OSBPL1A: variants seen among roughly 807,000 people sequenced by gnomAD.
The protein encoded by OSBPL1A is oxysterol binding protein like 1A, also known as oxysterol-binding protein-related protein 1.
OSBPL1A carries 80 observed loss-of-function variants against 137.1 expected under a neutral mutation model. That is an observed-to-expected ratio of 0.58 (90% confidence interval 0.49 to 0.70). OSBPL1A has a LOEUF of 0.70. Ranked by LOEUF, OSBPL1A falls within the 30% of genes least tolerant of loss-of-function variation. The pLI, the probability that OSBPL1A is intolerant of heterozygous loss-of-function variation, is 0.00. For synonymous variants in OSBPL1A, 365 were observed against 389.7 expected (o/e 0.94, Z 0.75); for missense variants, 970 against 1,129.4 (o/e 0.86, Z 2.02).
chr18:24,198,060 T>A (rs2087091397), intron 17 of OSBPL1A, among the ~76,000 whole-genome samples: 1 of 152,108 alleles, frequency 6.6e-6, no homozygotes, highest in South Asian at 2.1e-4. Context: ...AGTGCTGGGA[T>A]TACAGGCGTG....
chr18:24,180,666 A>G (rs1266345607), intron 19 of OSBPL1A, among the ~76,000 whole-genome samples: 2 of 152,200 alleles, frequency 1.3e-5, no homozygotes, highest in African/African-American at 4.8e-5. Flanking sequence ...CGAGGTCAGG[A>G]GATCGAGACC....
intron 4 of OSBPL1A, among the ~76,000 whole-genome samples, chr18:24,352,184 T>C (rs2091451627): frequency 1.3e-5 from 2 of 152,070 alleles, no homozygotes; most frequent in African/African-American, 2.4e-5. Context: ...CATGAGCCTG[T>C]AGTCCTAGCT....
intron 15 of OSBPL1A, among the ~76,000 whole-genome samples, chr18:24,263,769 G>A (rs745329488): frequency 6.6e-6 from 1 of 152,066 alleles, no homozygotes; most frequent in Non-Finnish European, 1.5e-5. Flanking sequence ...CCGAGTAGCT[G>A]GGATTACAGG....
At chr18:24,301,946 T>C (rs557861974) in intron 14 of OSBPL1A, among the ~76,000 whole-genome samples, 1 of 152,292 alleles carries the variant, frequency 6.6e-6, no homozygotes, top group East Asian at 1.9e-4. Context: ...TAGTTAATCA[T>C]GGCCGGGCGT....
chr18:24,328,547 G>C (rs568434905), intron 7 of OSBPL1A, among the ~76,000 whole-genome samples: 1 of 152,276 alleles, frequency 6.6e-6, no homozygotes, highest in South Asian at 2.1e-4. Flanking sequence ...GGGAAGCAGA[G>C]TTTGAGCTAG....
In OSBPL1A at chr18:24,355,899, T is replaced by C. The variant is rs2091525664; in HGVS notation, c.282+10993A>G. On this transcript the variant is annotated intron_variant, in intron 4 of 27. Transcript: ENST00000319481. ...ACTCAAGAGACTGAGGCAGGAGAAT[T>C]GCTTGAACGCGGGACACAGAGGTTG... is the stretch of plus-strand genomic sequence containing the variant. 2.0e-5 allele frequency among the ~76,000 whole-genome samples: 3 copies of C among 149,910 alleles called. No individual in the cohort carries two copies. In the Admixed American group the frequency reaches 2.0e-4, roughly 10 times the overall value.
At chr18:24,212,228 T>C (rs987727062) in intron 17 of OSBPL1A, among the ~76,000 whole-genome samples, 2 of 148,814 alleles carry the variant, frequency 1.3e-5, no homozygotes, top group African/African-American at 4.9e-5. Flanking sequence ...CCACCACACC[T>C]GGCTAATTTT....
intron 7 of OSBPL1A, among the ~76,000 whole-genome samples, chr18:24,326,683 G>A (rs1441088242): frequency 6.6e-6 from 1 of 152,004 alleles, no homozygotes; most frequent in Non-Finnish European, 1.5e-5. Context: ...CCCATCTGAT[G>A]CCTAATGCCA....
chr18:24,339,274 T>C (rs2091234980), intron 5 of OSBPL1A, among the ~76,000 whole-genome samples: 1 of 152,186 alleles, frequency 6.6e-6, no homozygotes, highest in African/African-American at 2.4e-5. Flanking sequence ...GCCCAGCCCC[T>C]ATGACATGGT....
At chr18:24,233,671 CAG>C (rs1229079714) in intron 16 of OSBPL1A, among the ~76,000 whole-genome samples, 3 of 152,146 alleles carry the variant, frequency 2.0e-5, no homozygotes, top group East Asian at 3.9e-4. Flanking sequence ...TTCTTTCAGA[CAG>C]AGTCTCGCTC....
intron 14 of OSBPL1A, among the ~76,000 whole-genome samples, chr18:24,284,256 A>C (rs974585972): frequency 6.6e-6 from 1 of 152,200 alleles, no homozygotes; most frequent in Non-Finnish European, 1.5e-5. Context: ...AGCTTCTAGA[A>C]AAGTGACCAA....
intron 4 of OSBPL1A, among the ~76,000 whole-genome samples, chr18:24,354,081 A>T (rs1038057317): frequency 6.6e-6 from 1 of 152,120 alleles, no homozygotes; most frequent in Non-Finnish European, 1.5e-5. Flanking sequence ...AATAAAATTT[A>T]AAAAAAGAAA....
At chr18:24,184,763 C>T (rs1449259261) in intron 18 of OSBPL1A, among the ~76,000 whole-genome samples, 1 of 152,112 alleles carries the variant, frequency 6.6e-6, no homozygotes, top group East Asian at 1.9e-4. Context: ...GTGTGCCCTG[C>T]CCCAGATGCA....
At chr18:24,177,301 G>GA (rs1567921939) in intron 21 of OSBPL1A, among the ~76,000 whole-genome samples, 2 of 152,202 alleles carry the variant, frequency 1.3e-5, no homozygotes, top group African/African-American at 4.8e-5. Flanking sequence ...TAGAAAGAAA[G>GA]AATTACTCTC....
intron 15 of OSBPL1A, among the ~76,000 whole-genome samples, chr18:24,266,698 C>T (rs1237081170): frequency 6.6e-6 from 1 of 152,094 alleles, no homozygotes; most frequent in Non-Finnish European, 1.5e-5. Flanking sequence ...ACCTAGACTC[C>T]ATTCATAAGC....
At position 24,279,250 on chromosome 18, in the gene OSBPL1A, T is replaced by A. The variant is rs767810827; in HGVS notation, c.1281+1592A>T. On this transcript the variant is annotated intron_variant, in intron 15 of 27. Coordinates refer to ENST00000319481, the MANE Select transcript of OSBPL1A (RefSeq NM_080597.4). ...GGCAACATACAAAGGCCCATTTCTT[T>A]AAAAAAAAAAAAAAAAAAAAAATCA... Among the ~76,000 whole-genome samples, 148 of 125,402 alleles carry A rather than the reference T, an allele frequency of 1.2e-3. 1 individual carries two copies. The highest frequency in any genetic ancestry group is 1.8e-3 in the Non-Finnish European group (109 of 60,994). 82.3% of individuals were successfully genotyped at this position (125,402 alleles called of 152,430 possible).
chr18:24,375,306 C>T (rs1215951836), intron 2 of OSBPL1A, among the ~76,000 whole-genome samples: 1 of 95,760 alleles, frequency 1.0e-5, no homozygotes, highest in Non-Finnish European at 1.9e-5. Context: ...CAGAACAAAA[C>T]CCTGTCTCAA....
chr18:24,354,750 A>C lies in OSBPL1A; in HGVS notation c.282+12142T>G, dbSNP rs1253769759. 7.4e-5 allele frequency among the ~76,000 whole-genome samples: 3 copies of C among 40,468 alleles called. No homozygotes were observed. In the East Asian group the frequency reaches 2.5e-3, roughly 34 times the overall value. 26.5% of individuals were successfully genotyped at this position (40,468 alleles called of 152,430 possible). Reference sequence around the variant, plus strand: ...AAGGCAGTAGTTTCTCAATATAGCAAAAAAAAAAAAAAAAAAAAAAAAAGA... The same window carrying C: ...AAGGCAGTAGTTTCTCAATATAGCACAAAAAAAAAAAAAAAAAAAAAAAGA... On this transcript the variant is annotated intron_variant, in intron 4 of 27. Coordinates refer to ENST00000319481, the MANE Select transcript of OSBPL1A (RefSeq NM_080597.4).
At chr18:24,167,831 A>G (rs971583347) in intron 24 of OSBPL1A, among the ~76,000 whole-genome samples, 5 of 152,242 alleles carry the variant, frequency 3.3e-5, no homozygotes, top group Non-Finnish European at 7.3e-5. Context: ...ATTGTAAATC[A>G]TCGTTTATTG....
Sources: allele counts gnomAD v4.1 joint callset (sites outside exome capture counted in the v4.1 genomes callset), GRCh38; gene constraint gnomAD v4.1.1; transcripts MANE v1.5; gene names NCBI Gene and HGNC (gene_info 2026-07-23, HGNC 2026-07-21).